Variants in GRAMD2B observed in about 807,000 individuals in gnomAD.
GRAMD2B encodes GRAM domain-containing protein 2B.
GRAMD2B carries 41 observed loss-of-function variants against 59.2 expected under a neutral mutation model. That is an observed-to-expected ratio of 0.69 (90% CI 0.54 to 0.90). GRAMD2B has a LOEUF of 0.90. Among genes scored for constraint, GRAMD2B ranks in the 40% least tolerant of loss-of-function variants. The pLI is 0.00. For synonymous variants in GRAMD2B, 161 were observed against 182.7 expected, an observed-to-expected ratio of 0.88 and a Z score of 0.96; for missense variants, 424 against 500.5, an observed-to-expected ratio of 0.85 and a Z score of 1.46.
rs10056570 is a variant in GRAMD2B, at chr5:126,486,835, G to A, written c.1059-38G>A. 5,213 of 1,303,884 alleles carry A rather than the reference G, an allele frequency of 4.0e-3. 172 individuals carry two copies. The African/African-American group carries it at 0.065, about 16-fold the overall frequency. 80.8% of individuals were successfully genotyped at this position (1,303,884 alleles called of 1,614,324 possible). ...GTTTTATGAACATCAGATCCTGGCC[G>A]TTAACCTAACGAAAGTTTCTCTTTC... is the stretch of plus-strand genomic sequence containing the variant. On this transcript the variant is annotated intron_variant, in intron 11 of 13. Coordinates refer to ENST00000285689, the MANE Select transcript of GRAMD2B (RefSeq NM_023927.4).
upstream of GRAMD2B, among the ~76,000 whole-genome samples, chr5:126,419,637 G>A (rs1053264097): frequency 6.6e-6 from 1 of 152,162 alleles, no homozygotes; most frequent in Admixed American, 6.5e-5. Context: ...GTTAAGGAAG[G>A]CCAATATCTG....
chr5:126,483,390 G>GCCC, intron 8 of GRAMD2B, 73 bp from the exon 9 acceptor site: 1 of 858,228 alleles, frequency 1.2e-6, no homozygotes, highest in South Asian at 1.4e-5. Context: ...AGGTGAAAGG[G>GCCC]CTGGGAGTTA....
chr5:126,475,288 T>C (rs894139178), intron 5 of GRAMD2B, among the ~76,000 whole-genome samples: 2 of 152,228 alleles, frequency 1.3e-5, no homozygotes, highest in Non-Finnish European at 2.9e-5. Flanking sequence ...CTGGTTGTAA[T>C]TTTATACTCA....
intron 1 of GRAMD2B, among the ~76,000 whole-genome samples, chr5:126,450,408 T>G (rs528048453): frequency 5.3e-5 from 8 of 152,272 alleles, no homozygotes; most frequent in African/African-American, 1.4e-4. Flanking sequence ...TGGATAAAAT[T>G]TATTAGCATA....
intron 1 of GRAMD2B, among the ~76,000 whole-genome samples, chr5:126,409,187 C>A (rs1377814904): frequency 6.6e-6 from 1 of 152,084 alleles, no homozygotes; most frequent in African/African-American, 2.4e-5. Flanking sequence ...ATTTATAGTC[C>A]TTTGGGTATA....
chr5:126,419,008 C>A (rs1166411813), upstream of GRAMD2B, among the ~76,000 whole-genome samples: 1 of 152,102 alleles, frequency 6.6e-6, no homozygotes, highest in Non-Finnish European at 1.5e-5. Context: ...TATCATCAGA[C>A]AATATGCAAA....
At chr5:126,388,079 A>G (rs1333738742) in intron 1 of GRAMD2B, among the ~76,000 whole-genome samples, 1 of 152,166 alleles carries the variant, frequency 6.6e-6, no homozygotes, top group African/African-American at 2.4e-5. Context: ...TAACTTAAAG[A>G]TGCAATTTTC....
intron 1 of GRAMD2B, among the ~76,000 whole-genome samples, chr5:126,376,012 T>C (rs1755153781): frequency 6.6e-6 from 1 of 152,196 alleles, no homozygotes; most frequent in Non-Finnish European, 1.5e-5. Context: ...TGGAAAAACA[T>C]GAATTGCTGT....
intron 6 of GRAMD2B, among the ~76,000 whole-genome samples, chr5:126,479,105 G>A (rs1771211740): frequency 6.6e-6 from 1 of 152,282 alleles, no homozygotes; most frequent in South Asian, 2.1e-4. Context: ...GAGTGGTCTG[G>A]TTACTTTTCA....
chr5:126,465,349 C>T (rs766152245), intron 1 of GRAMD2B, 77 bp from the exon 2 acceptor site: 2 of 1,602,480 alleles, frequency 1.2e-6, no homozygotes, highest in African/African-American at 1.4e-5. Context: ...CTCTAGAAAA[C>T]CATGTTACTT....
Position 126,371,375 on chromosome 5 carries a change from T to C in GRAMD2B, c.-68T>C, listed in dbSNP as rs556734478. 114 of 1,218,334 alleles carry C rather than the reference T, an allele frequency of 9.4e-5. 1 individual carries two copies. In the South Asian group the frequency reaches 1.5e-3, roughly 16 times the overall value. The allele number at this position is 1,218,334 out of a possible 1,614,324, so 75.5% of individuals were successfully genotyped here. ...CAAAGCTGAAACGCAGAGATTTTCA[T>C]ATTATTTGGGAGACTCAGAAATGAG... On this transcript the variant is annotated 5_prime_UTR_variant, in exon 1 of 9. Coordinates refer to the GRAMD2B transcript ENST00000506445.
intron 1 of GRAMD2B, among the ~76,000 whole-genome samples, chr5:126,455,625 A>G (rs12656978): frequency 0.32 from 48,728 of 152,154 alleles, 8,172 homozygotes; most frequent in East Asian, 0.6. Flanking sequence ...AGGTAGCACC[A>G]ATGGCTGTGA....
At chr5:126,397,165 G>A (rs1364665797) in intron 1 of GRAMD2B, among the ~76,000 whole-genome samples, 1 of 152,124 alleles carries the variant, frequency 6.6e-6, no homozygotes, top group Non-Finnish European at 1.5e-5. Flanking sequence ...TAAAGGGAAA[G>A]CGTTCAGTTT....
intron 1 of GRAMD2B, among the ~76,000 whole-genome samples, chr5:126,408,706 T>C (rs1455824599): frequency 1.3e-5 from 2 of 150,472 alleles, no homozygotes; most frequent in African/African-American, 2.4e-5. Flanking sequence ...TTTTTTGTTA[T>C]ACTTTAAGTT....
intron 2 of GRAMD2B, among the ~76,000 whole-genome samples, chr5:126,466,809 G>A (rs75909832): frequency 0.012 from 1,867 of 152,132 alleles, 35 homozygotes; most frequent in African/African-American, 0.042. Flanking sequence ...TACCACTGTT[G>A]GCTGACTACA....
intron 1 of GRAMD2B, among the ~76,000 whole-genome samples, chr5:126,394,388 A>G (rs1241229978): frequency 6.6e-6 from 1 of 152,212 alleles, no homozygotes; most frequent in Admixed American, 6.5e-5. Context: ...AAGGTTTGTT[A>G]TATGGTAGAG....
At chr5:126,375,028 T>G (rs982671243) in intron 1 of GRAMD2B, among the ~76,000 whole-genome samples, 8 of 152,250 alleles carry the variant, frequency 5.3e-5, no homozygotes, top group Non-Finnish European at 1.2e-4. Flanking sequence ...ATGTTAAATA[T>G]ACCAATTCAT....
chr5:126,368,531 CA>C (rs1305816338), upstream of GRAMD2B, among the ~76,000 whole-genome samples: 1 of 152,354 alleles, frequency 6.6e-6, no homozygotes, highest in Non-Finnish European at 1.5e-5. Flanking sequence ...GGGCAAGCCC[CA>C]GCTGGCTCCA....
chr5:126,394,275 A>AAG (rs1757152291), intron 1 of GRAMD2B, among the ~76,000 whole-genome samples: 1 of 131,890 alleles, frequency 7.6e-6, no homozygotes, highest in African/African-American at 3.2e-5. Context: ...ACTCTGTCTC[A>AAG]AAAAAAAAAA....
Sources: gnomAD v4.1 joint callset for allele counts (sites outside exome capture counted in the v4.1 genomes callset) on GRCh38, gnomAD v4.1.1 for gene constraint, MANE v1.5 for transcripts, NCBI Gene and HGNC (gene_info 2026-07-23, HGNC 2026-07-21) for gene names.